Variants in ARFGEF3 observed in about 807,000 individuals in gnomAD.
ARFGEF3 encodes brefeldin A-inhibited guanine nucleotide-exchange protein 3.
In ARFGEF3, 96 loss-of-function variants were observed where a neutral mutation model predicts 221.7. The ratio of observed to expected loss-of-function variants is 0.43; its 90% CI spans 0.37 to 0.51. ARFGEF3 has a LOEUF of 0.51. Among genes scored for constraint, ARFGEF3 ranks in the 20% least tolerant of loss-of-function variants. ARFGEF3 has a pLI of 0.00. For synonymous variants in ARFGEF3, 1,145 were observed against 1,126.8 expected, an observed-to-expected ratio of 1.02 and a Z score of -0.32; for missense variants, 2,410 against 2,789.9, an observed-to-expected ratio of 0.86 and a Z score of 3.07.
intron 12 of ARFGEF3, among the ~76,000 whole-genome samples, chr6:138,269,368 A>G (rs1236223660): frequency 6.6e-6 from 1 of 152,276 alleles, no homozygotes; most frequent in Non-Finnish European, 1.5e-5. Flanking sequence ...TGTGGTTTAA[A>G]CACCTCAAAA....
chr6:138,303,982 C>A (rs1583058232), intron 22 of ARFGEF3, among the ~76,000 whole-genome samples: 1 of 150,644 alleles, frequency 6.6e-6, no homozygotes, highest in South Asian at 2.1e-4. Context: ...GCTTTGCAGG[C>A]TGACAGTTCC....
In ARFGEF3 at chr6:138,253,569, G is replaced by A. The variant is rs114753019; in HGVS notation, c.666-311G>A. Among the ~76,000 whole-genome samples, 395 of 152,264 alleles carry A rather than the reference G, an allele frequency of 2.6e-3. 2 individuals carry two copies. The highest frequency in any genetic ancestry group is 9.2e-3 in the African/African-American group (381 of 41,544). On this transcript the variant is annotated intron_variant, in intron 8 of 33. Coordinates refer to ENST00000251691, the MANE Select transcript of ARFGEF3 (RefSeq NM_020340.5). The stretch of plus-strand genomic sequence containing the variant: ...CTGTCTTCCCTCAGTGAATGTCTCT[G>A]TGTCCAAATTTCCATTTCTTTAAGG...
Position 138,338,056 on chromosome 6 carries a change from A to G in ARFGEF3, c.*1570A>G, listed in dbSNP as rs1780363167. ...CTGACTTCTTTAGGTGATCTGAAAA[A>G]AACACCCTTATCATCCAGTGTACCA... On this transcript the variant is annotated 3_prime_UTR_variant, in exon 34 of 34. Coordinates refer to ENST00000251691, the MANE Select transcript of ARFGEF3 (RefSeq NM_020340.5). 1 of 152,184 alleles carries G rather than the reference A, an allele frequency of 6.6e-6. No homozygotes were observed. Among genetic ancestry groups the G allele is most frequent in the Non-Finnish European group, 1.5e-5 (1 of 68,026 alleles). The allele number at this position is 152,184 out of a possible 1,614,324, so 9.4% of individuals were successfully genotyped here.
Position 138,286,017 on chromosome 6 carries a change from G to C in ARFGEF3, c.2533G>C (p.Ala845Pro). 6.2e-7 allele frequency: 1 copy of C among 1,608,710 alleles called. No individual in the cohort carries two copies. The highest frequency in any genetic ancestry group is 8.5e-7 in the Non-Finnish European group (1 of 1,179,334). Reference sequence around the variant, plus strand: ...CTCGGCTGCTACAGAGTCTCCTTTCGCCCAGAGCAGGAGAATTGATGACTC... The same window carrying C: ...CTCGGCTGCTACAGAGTCTCCTTTCCCCCAGAGCAGGAGAATTGATGACTC... ...MASAATESPFAQSRRIDDSTV... is the reference protein window; with the variant it reads ...MASAATESPFPQSRRIDDSTV... Residue 845 changes from alanine to proline, a missense_variant, in exon 15 of 34, where the codon GCC (alanine) becomes CCC (proline). This residue lies in a region of ARFGEF3 where 594 missense variants were observed against 734.3 expected (regional missense o/e 0.81). Coordinates refer to ENST00000251691, the MANE Select transcript of ARFGEF3 (RefSeq NM_020340.5).
In ARFGEF3 at chr6:138,262,688, G is replaced by T; in HGVS notation, c.1218-13G>T. 6.3e-7 allele frequency: 1 copy of T among 1,577,388 alleles called. No individual in the cohort carries two copies. The highest frequency in any genetic ancestry group is 1.1e-5 in the South Asian group (1 of 87,190). ...ATGCATTTATTCCATTTTCTCTTTT[G>T]AACACTGTTTAGCATCATGGATGGC... On this transcript the variant is annotated splice_polypyrimidine_tract_variant and intron_variant, in intron 11 of 33. Transcript: ENST00000251691.
At chr6:138,209,873 A>T (rs774959426) in intron 3 of ARFGEF3, 37 bp from the exon 4 acceptor site, 2 of 1,607,016 alleles carry the variant, frequency 1.2e-6, no homozygotes, top group Non-Finnish European at 1.7e-6. Context: ...AGCAGGGGAG[A>T]GCCTATCTGT....
intron 16 of ARFGEF3, 74 bp from the exon 17 acceptor site, chr6:138,287,000 T>C: frequency 6.4e-7 from 1 of 1,569,758 alleles, no homozygotes; most frequent in Non-Finnish European, 8.7e-7. Flanking sequence ...GGGGGACCCT[T>C]TAGAAGGGGT....
chr6:138,234,029 G>A (rs1467618871), intron 5 of ARFGEF3, among the ~76,000 whole-genome samples: 1 of 152,182 alleles, frequency 6.6e-6, no homozygotes, highest in Non-Finnish European at 1.5e-5. Context: ...CCTCTGAGGA[G>A]TCTGTTCTTT....
intron 10 of ARFGEF3, among the ~76,000 whole-genome samples, chr6:138,256,380 C>T (rs185934556): frequency 7.9e-5 from 12 of 152,280 alleles, no homozygotes; most frequent in Admixed American, 3.3e-4. Context: ...AAGAACCAAA[C>T]AGAAAAGTCA....
intron 19 of ARFGEF3, among the ~76,000 whole-genome samples, chr6:138,292,792 ATAGCTGCAC>A (rs1381063583): frequency 6.6e-6 from 1 of 152,238 alleles, no homozygotes; most frequent in East Asian, 1.9e-4. Context: ...GTCTGTAGAC[ATAGCTGCAC>A]TGAGGCTCAA....
chr6:138,204,554 A>G (rs1242772522), intron 2 of ARFGEF3, among the ~76,000 whole-genome samples: 1 of 152,156 alleles, frequency 6.6e-6, no homozygotes, highest in Non-Finnish European at 1.5e-5. Flanking sequence ...GTGCTTTAGC[A>G]GAGTTGAATA....
intron 32 of ARFGEF3, among the ~76,000 whole-genome samples, chr6:138,332,887 ACAAAGGG>A (rs1780252530): frequency 6.6e-6 from 1 of 152,358 alleles, no homozygotes; most frequent in Middle Eastern, 3.4e-3. Flanking sequence ...TGAGGACTAC[ACAAAGGG>A]CAAAGTTAAC....
intron 2 of ARFGEF3, among the ~76,000 whole-genome samples, chr6:138,192,850 T>G (rs1777334633): frequency 6.6e-6 from 1 of 152,216 alleles, no homozygotes; most frequent in Admixed American, 6.5e-5. Context: ...GGTGAAATGC[T>G]TAGCACACAG....
At chr6:138,243,293 A>G (rs1778427727) in intron 7 of ARFGEF3, among the ~76,000 whole-genome samples, 1 of 152,192 alleles carries the variant, frequency 6.6e-6, no homozygotes, top group South Asian at 2.1e-4. Flanking sequence ...TTCTCCATGA[A>G]GTCAGGTTTA....
chr6:138,301,295 A>G (rs1779625017), intron 22 of ARFGEF3, among the ~76,000 whole-genome samples: 1 of 152,262 alleles, frequency 6.6e-6, no homozygotes, highest in African/African-American at 2.4e-5. Flanking sequence ...TCTTAAAAAC[A>G]GTGTTTGCTA....
chr6:138,315,427 A>G (rs553946274), intron 26 of ARFGEF3, among the ~76,000 whole-genome samples: 2 of 152,142 alleles, frequency 1.3e-5, no homozygotes, highest in Non-Finnish European at 2.9e-5. Flanking sequence ...ACTTCTGGGT[A>G]TAGGTTATTT....
At chr6:138,234,156 A>T (rs2114539783) in intron 5 of ARFGEF3, among the ~76,000 whole-genome samples, 1 of 152,340 alleles carries the variant, frequency 6.6e-6, no homozygotes, top group South Asian at 2.1e-4. Context: ...GTTAGAAGAC[A>T]CACAGACCAG....
chr6:138,201,215 C>T (rs989272302), intron 2 of ARFGEF3, among the ~76,000 whole-genome samples: 1 of 152,150 alleles, frequency 6.6e-6, no homozygotes, highest in Admixed American at 6.5e-5. Context: ...TTCTACACTG[C>T]TGGTGGGAAT....
chr6:138,298,859 T>G (rs1274527998), intron 22 of ARFGEF3, 74 bp downstream of exon 22: 3 of 1,118,768 alleles, frequency 2.7e-6, no homozygotes, highest in East Asian at 5.0e-5. Context: ...TCTATGAGCT[T>G]CGCACACTTA....
Sources: allele counts gnomAD v4.1 joint callset (sites outside exome capture counted in the v4.1 genomes callset), GRCh38; gene constraint gnomAD v4.1.1; regional missense constraint gnomAD v4.1.1; transcripts MANE v1.5; gene names NCBI Gene and HGNC (gene_info 2026-07-23, HGNC 2026-07-21).